CMTM6: variants seen among roughly 807,000 people sequenced by gnomAD.
CMTM6 encodes CKLF like MARVEL transmembrane domain containing 6.
CMTM6 carries 5 observed loss-of-function variants against 13.6 expected under a neutral mutation model. The ratio of observed to expected loss-of-function variants is 0.37; its 90% CI spans 0.19 to 0.77. CMTM6 has a LOEUF of 0.77. Ranked by LOEUF, CMTM6 falls within the 30% of genes least tolerant of loss-of-function variation. The probability of loss-of-function intolerance (pLI) is 0.50; values close to 1 mark genes in which losing one functional copy is unlikely to be tolerated. For missense variants in CMTM6, 196 were observed against 218.6 expected, an observed-to-expected ratio of 0.90 and a Z score of 0.65; for synonymous variants, 99 against 84.5, an observed-to-expected ratio of 1.17 and a Z score of -0.94.
Position 32,483,899 on chromosome 3 carries a change from CA to C in CMTM6, c.*60del. On this transcript the variant is annotated 3_prime_UTR_variant, in exon 4 of 4. Coordinates refer to ENST00000205636, the MANE Select transcript of CMTM6 (RefSeq NM_017801.3). ...TAACAAATTTTACAAGAGCTTCTGCCAGGGCTCAGGCACCACAATGCAGGGT... is the reference window on the plus strand; with the variant it reads ...TAACAAATTTTACAAGAGCTTCTGCCGGGCTCAGGCACCACAATGCAGGGT... The C allele has an allele frequency of 3.6e-6, 5 of 1,393,882 alleles. No homozygotes were observed. The highest frequency in any genetic ancestry group is 4.7e-6 in the Non-Finnish European group (5 of 1,062,982). 86.3% of individuals were successfully genotyped at this position (1,393,882 alleles called of 1,614,324 possible).
chr3:32,491,533 C>T (rs1249614196), intron 2 of CMTM6, among the ~76,000 whole-genome samples, 177 bp downstream of exon 2: 1 of 152,174 alleles, frequency 6.6e-6, no homozygotes, highest in Non-Finnish European at 1.5e-5. Context: ...CTCACTTTCC[C>T]TCTCTACCAT....
At chr3:32,487,225 G>A (rs1697212569) in intron 3 of CMTM6, among the ~76,000 whole-genome samples, 1 of 152,072 alleles carries the variant, frequency 6.6e-6, no homozygotes, top group Admixed American at 6.5e-5. Flanking sequence ...TACATATGGA[G>A]GTTTAAAAGC....
At chr3:32,484,505 T>G (rs1697186031) in intron 3 of CMTM6, among the ~76,000 whole-genome samples, 1 of 152,022 alleles carries the variant, frequency 6.6e-6, no homozygotes, top group Non-Finnish European at 1.5e-5. Flanking sequence ...TAGGTGAAAA[T>G]GAAAAAAGTT....
In CMTM6 at chr3:32,483,936, G is replaced by A; in HGVS notation, c.*24C>T. ...ACCACAATGCAGGGTCACTACCTTA[G>A]GTAACATCTGCTCCCCAGAGTCTTT... On this transcript the variant is annotated 3_prime_UTR_variant, in exon 4 of 4. Transcript: ENST00000205636. 1 of 1,568,302 alleles carries A rather than the reference G, an allele frequency of 6.4e-7. No homozygotes were observed. The highest frequency in any genetic ancestry group is 1.2e-5 in the South Asian group (1 of 83,596).
Position 32,481,723 on chromosome 3 carries a change from A to T in CMTM6, c.*2237T>A, listed in dbSNP as rs1697155096. 1 of 152,238 alleles carries T rather than the reference A, an allele frequency of 6.6e-6. No homozygotes were observed. 9.4% of individuals were successfully genotyped at this position (152,238 alleles called of 1,614,324 possible). ...CCTTCTACAATAGAAAAGAAAGGCT[A>T]ACCATTCATGGGTCCCATAAAAAAC... is the stretch of plus-strand genomic sequence containing the variant. On this transcript the variant is annotated 3_prime_UTR_variant, in exon 4 of 4. Transcript: ENST00000205636.
rs1283896220 is a variant in CMTM6, at chr3:32,502,693, G to A, written c.53C>T (p.Ala18Val). ...AGCGAGGCCGCTCCGGGGGCCTCTGGCGGGGCCCGGGTCCTCCTCCGTAGT... is the reference window on the plus strand; with the variant it reads ...AGCGAGGCCGCTCCGGGGGCCTCTGACGGGGCCCGGGTCCTCCTCCGTAGT... ...SPTTEEDPGP[A>V]RGPRSGLAAY... Residue 18 changes from alanine (A) to valine (V), a missense_variant, in exon 1 of 4, where the codon GCC becomes GTC. Transcript: ENST00000205636. 6 of 1,585,944 alleles carry A rather than the reference G, an allele frequency of 3.8e-6. No individual in the cohort carries two copies. Among genetic ancestry groups the A allele is most frequent in the Non-Finnish European group, 5.1e-6 (6 of 1,168,566 alleles).
Position 32,482,831 on chromosome 3 carries a change from A to T in CMTM6, c.*1129T>A, listed in dbSNP as rs1376087962. On this transcript the variant is annotated 3_prime_UTR_variant, in exon 4 of 4. Coordinates refer to ENST00000205636, the MANE Select transcript of CMTM6 (RefSeq NM_017801.3). Reference sequence around the variant, plus strand: ...CAATCAAAAGGGCCCAAGATTCAGGACCACCTAAAGACAACTGACAAAAAG... The same window carrying T: ...CAATCAAAAGGGCCCAAGATTCAGGTCCACCTAAAGACAACTGACAAAAAG... 1 of 151,190 alleles carries T rather than the reference A, an allele frequency of 6.6e-6. No individual in the cohort carries two copies. Among genetic ancestry groups the T allele is most frequent in the East Asian group, 1.9e-4 (1 of 5,148 alleles). The allele number at this position is 151,190 out of a possible 1,614,324, so 9.4% of individuals were successfully genotyped here. A position where few individuals can be genotyped will look rare whatever the true frequency, so the allele number is the denominator to read the frequency against.
At chr3:32,495,493 G>T (rs879937441) in intron 1 of CMTM6, among the ~76,000 whole-genome samples, 4 of 152,064 alleles carry the variant, frequency 2.6e-5, no homozygotes, top group Non-Finnish European at 5.9e-5. Flanking sequence ...GTTAAATCTT[G>T]TCCAAGTTTT....
At position 32,481,369 on chromosome 3, in the gene CMTM6, A is replaced by AG. The variant is rs1697150894; in HGVS notation, c.*2590_*2591insC. On this transcript the variant is annotated 3_prime_UTR_variant, in exon 4 of 4. Coordinates refer to ENST00000205636, the MANE Select transcript of CMTM6 (RefSeq NM_017801.3). ...ACTATAAAATCTGACATCAAGAGAG[A>AG]TAAAAAAAAAAGACCCATAAGATTT... 7 of 126,250 alleles carry AG rather than the reference A, an allele frequency of 5.5e-5. No homozygotes were observed. The highest frequency in any genetic ancestry group is 2.6e-4 in the East Asian group (1 of 3,872). 7.8% of individuals were successfully genotyped at this position (126,250 alleles called of 1,614,324 possible).
intron 2 of CMTM6, among the ~76,000 whole-genome samples, chr3:32,490,325 T>C (rs944257999): frequency 1.3e-5 from 2 of 152,062 alleles, no homozygotes; most frequent in Non-Finnish European, 2.9e-5. Context: ...AGAAAACCTC[T>C]CTTGCATGAA....
Position 32,489,039 on chromosome 3 carries a change from C to T in CMTM6, c.316-1003G>A, listed in dbSNP as rs142289312. ...ATCTCAGCACTTTGGGAGGCCGAGA[C>T]GGGCAGATCACGAGGTCAGGAGTTC... On this transcript the variant is annotated intron_variant, in intron 2 of 3. Transcript: ENST00000205636. Among the ~76,000 whole-genome samples, 1,428 of 151,910 alleles carry T rather than the reference C, an allele frequency of 9.4e-3. 26 individuals are homozygous for T. Among genetic ancestry groups the T allele is most frequent in the African/African-American group, 0.032 (1,314 of 41,416 alleles).
intron 1 of CMTM6, among the ~76,000 whole-genome samples, chr3:32,493,552 G>A (rs939382243): frequency 1.3e-5 from 2 of 152,164 alleles, no homozygotes; most frequent in Non-Finnish European, 2.9e-5. Flanking sequence ...GGAGCTCAAA[G>A]GAGAGGTCTA....
chr3:32,484,977 C>T (rs1697190145), intron 3 of CMTM6, among the ~76,000 whole-genome samples: 1 of 152,050 alleles, frequency 6.6e-6, no homozygotes, highest in African/African-American at 2.4e-5. Flanking sequence ...TCATTAAGTC[C>T]CCCAGATATC....
At chr3:32,485,723 T>C (rs890832102) in intron 3 of CMTM6, among the ~76,000 whole-genome samples, 1 of 152,230 alleles carries the variant, frequency 6.6e-6, no homozygotes, top group African/African-American at 2.4e-5. Flanking sequence ...ATTTTATTTC[T>C]ATGTTTTGTT....
rs755589271 is a variant in CMTM6, at chr3:32,502,791, A to C, written c.-46T>G. The stretch of plus-strand genomic sequence containing the variant: ...GGCGGCCGCAGCAACCGCGCCGTTG[A>C]CTTCTCGGACTCCAGAAGTCCCCGG... On this transcript the variant is annotated 5_prime_UTR_variant, in exon 1 of 4. Transcript: ENST00000205636. 1.4e-6 allele frequency: 2 copies of C among 1,388,884 alleles called. No homozygotes were observed. The highest frequency in any genetic ancestry group is 1.9e-6 in the Non-Finnish European group (2 of 1,071,672). The allele number at this position is 1,388,884 out of a possible 1,614,324, so 86.0% of individuals were successfully genotyped here.
intron 1 of CMTM6, among the ~76,000 whole-genome samples, chr3:32,496,693 T>A (rs964469853): frequency 6.6e-6 from 1 of 152,104 alleles, no homozygotes; most frequent in Non-Finnish European, 1.5e-5. Context: ...CGGAGAAGGA[T>A]GAGTGGAAAA....
chr3:32,484,239 AATTT>A (rs1697182752), intron 3 of CMTM6, 142 bp from the exon 4 acceptor site: 1 of 655,794 alleles, frequency 1.5e-6, no homozygotes, highest in Non-Finnish European at 2.3e-6. Context: ...TGGTAAAAAA[AATTT>A]TTTTAAGTCA....
intron 1 of CMTM6, among the ~76,000 whole-genome samples, chr3:32,495,888 C>A (rs1465993188): frequency 6.6e-6 from 1 of 152,096 alleles, no homozygotes; most frequent in Non-Finnish European, 1.5e-5. Context: ...TCAAGGAGTA[C>A]AATATTAAGT....
intron 1 of CMTM6, among the ~76,000 whole-genome samples, chr3:32,494,496 GA>G (rs1251596396): frequency 1.3e-5 from 2 of 152,164 alleles, no homozygotes; most frequent in Non-Finnish European, 2.9e-5. Context: ...TCTACCATAT[GA>G]CCCAGAAATA....
Sources: gnomAD v4.1 joint callset for allele counts (sites outside exome capture counted in the v4.1 genomes callset) on GRCh38, gnomAD v4.1.1 for gene constraint, MANE v1.5 for transcripts, NCBI Gene and HGNC (gene_info 2026-07-23, HGNC 2026-07-21) for gene names.